PTPRU: variants seen among roughly 807,000 people sequenced by gnomAD.
The protein encoded by PTPRU is protein tyrosine phosphatase receptor type U.
Under a neutral mutation model 166.3 loss-of-function variants are expected in PTPRU, and 69 were observed. The observed-to-expected ratio is 0.41, with a 90% CI of 0.34 to 0.51. The LOEUF is 0.51. PTPRU is among the 20% of genes least tolerant of loss of function. The pLI is 0.09. For synonymous variants in PTPRU, 793 were observed against 814.0 expected (o/e 0.97, Z 0.44); for missense variants, 1,657 against 2,013.7 (o/e 0.82, Z 3.39).
intron 1 of PTPRU, among the ~76,000 whole-genome samples, chr1:29,241,695 A>G (rs1270690215): frequency 6.6e-6 from 1 of 150,772 alleles, no homozygotes; most frequent in Admixed American, 6.6e-5. Flanking sequence ...CCCGGGTTCA[A>G]GTGATTCTCC....
At position 29,258,560 on chromosome 1, in the gene PTPRU, C is replaced by T; in HGVS notation, c.261C>T (p.Val87=). The part of the protein sequence containing the change: ...SQHAPGQRAH[V]IFQSLSENDT... Reference sequence around the variant, plus strand: ...ATGCCCCAGGCCAGCGAGCCCATGTCATCTTCCAGAGCCTGAGCGAGAATG... The same window carrying T: ...ATGCCCCAGGCCAGCGAGCCCATGTTATCTTCCAGAGCCTGAGCGAGAATG... Residue 87 remains valine (V), a synonymous_variant, in exon 3 of 30, where the codon GTC becomes GTT. Coordinates refer to ENST00000373779, the MANE Select transcript of PTPRU (RefSeq NM_133178.4). The T allele has an allele frequency of 6.2e-7, 1 of 1,614,234 alleles. No homozygotes were observed. Among genetic ancestry groups the T allele is most frequent in the Non-Finnish European group, 8.5e-7 (1 of 1,180,042 alleles).
intron 18 of PTPRU, among the ~76,000 whole-genome samples, chr1:29,309,444 C>T (rs2151965837): frequency 6.6e-6 from 1 of 152,348 alleles, no homozygotes; most frequent in Admixed American, 6.5e-5. Context: ...TCAGATTCTT[C>T]ACCCCATAGT....
intron 14 of PTPRU, among the ~76,000 whole-genome samples, chr1:29,288,228 T>A (rs1686450301): frequency 6.6e-6 from 1 of 152,178 alleles, no homozygotes; most frequent in Non-Finnish European, 1.5e-5. Flanking sequence ...TATTGTGGGA[T>A]TACAATGTGT....
chr1:29,269,169 A>G (rs1685427746), intron 7 of PTPRU, among the ~76,000 whole-genome samples: 1 of 142,626 alleles, frequency 7.0e-6, no homozygotes, highest in African/African-American at 2.6e-5. Flanking sequence ...TCAGCCTCCT[A>G]AGCAGCTGGG....
chr1:29,258,588 A>AT lies in PTPRU; in HGVS notation c.289_290insT (p.Thr97IlefsTer28). ...CTTCCAGAGCCTGAGCGAGAATGAT[A>AT]CCCACTGTGTGCAGTTCAGCTACTT... On this transcript the variant is annotated frameshift_variant, in exon 3 of 30. Coordinates refer to ENST00000373779, the MANE Select transcript of PTPRU (RefSeq NM_133178.4). LOFTEE classifies it high-confidence loss of function. The AT allele has an allele frequency of 6.2e-7, 1 of 1,614,204 alleles. No individual in the cohort carries two copies. The highest frequency in any genetic ancestry group is 8.5e-7 in the Non-Finnish European group (1 of 1,180,030).
intron 15 of PTPRU, among the ~76,000 whole-genome samples, chr1:29,302,730 T>C (rs1270154266): frequency 6.6e-6 from 1 of 152,116 alleles, no homozygotes; most frequent in African/African-American, 2.4e-5. Context: ...TTTGTATTTT[T>C]AGTAGAGACG....
intron 14 of PTPRU, among the ~76,000 whole-genome samples, chr1:29,287,787 G>A (rs1218736146): frequency 2.0e-5 from 3 of 150,662 alleles, no homozygotes; most frequent in Non-Finnish European, 4.4e-5. Context: ...TAGTAGAGAC[G>A]GGGTTTCACC....
chr1:29,284,074 A>G (rs1270207945), intron 13 of PTPRU, 98 bp downstream of exon 13: 8 of 1,498,816 alleles, frequency 5.3e-6, no homozygotes, highest in Non-Finnish European at 6.5e-6. Context: ...GTGGGAGTAG[A>G]GGAGGGTGGT....
rs770698675 is a variant in PTPRU at position 29,325,165 on chromosome 1, C to T, written c.4113-26C>T. On this transcript the variant is annotated intron_variant, in intron 28 of 29. Coordinates refer to ENST00000373779, the MANE Select transcript of PTPRU (RefSeq NM_133178.4). ...TACCTTCAGGTTCCAAGGCCCCGCC[C>T]CTCAGCTTTTGCATCTCTCATTCAG... 5 of 1,613,842 alleles carry T rather than the reference C, an allele frequency of 3.1e-6. No individual in the cohort carries two copies. In the African/African-American group the frequency reaches 4.0e-5, roughly 13 times the overall value.
chr1:29,318,563 G>T (rs555384583), intron 25 of PTPRU, among the ~76,000 whole-genome samples: 1 of 152,304 alleles, frequency 6.6e-6, no homozygotes, highest in African/African-American at 2.4e-5. Flanking sequence ...TGCCACACTG[G>T]AACCAGTTCA....
chr1:29,311,443 C>T lies in PTPRU; in HGVS notation c.2858-13C>T, dbSNP rs773520859. ...TTGTCTCAGGGACAGGCACCCTCTG[C>T]CTGCATCCCCAGGGCCGAAGCCTGA... On this transcript the variant is annotated splice_polypyrimidine_tract_variant and intron_variant, in intron 19 of 29. Coordinates refer to ENST00000373779, the MANE Select transcript of PTPRU (RefSeq NM_133178.4). This position sits in a 1 kb window ranked among gnomAD's most constrained non-coding sequence, Gnocchi z 4.1. The T allele has an allele frequency of 5.6e-6, 9 of 1,613,602 alleles. 1 individual carries two copies. The South Asian group carries it at 9.9e-5, about 18-fold the overall frequency.
chr1:29,283,067 C>T (rs1287614127), intron 12 of PTPRU, 118 bp downstream of exon 12: 1 of 1,397,240 alleles, frequency 7.2e-7, no homozygotes, highest in Non-Finnish European at 9.7e-7. Context: ...ATAGCCCCAC[C>T]TCCCATAGCC....
At chr1:29,302,145 A>G (rs1054895065) in intron 15 of PTPRU, among the ~76,000 whole-genome samples, 1 of 138,474 alleles carries the variant, frequency 7.2e-6, no homozygotes, top group African/African-American at 3.0e-5. Flanking sequence ...GCCTAGGCTA[A>G]TGTGTATGTG....
intron 7 of PTPRU, among the ~76,000 whole-genome samples, chr1:29,266,320 G>C (rs1314640062): frequency 6.6e-6 from 1 of 152,070 alleles, no homozygotes; most frequent in Non-Finnish European, 1.5e-5. Context: ...TTCTAAAAGT[G>C]TTATAGTTTT....
intron 11 of PTPRU, among the ~76,000 whole-genome samples, chr1:29,282,331 G>A (rs1686116060): frequency 6.6e-6 from 1 of 152,232 alleles, no homozygotes; most frequent in Non-Finnish European, 1.5e-5. Flanking sequence ...GAGGACTCAT[G>A]GAGGAAGCAG....
In PTPRU at chr1:29,305,398, T is replaced by A. The variant is rs771889225; in HGVS notation, c.2790T>A (p.Asn930Lys). 1 of 1,613,844 alleles carries A rather than the reference T, an allele frequency of 6.2e-7. No individual in the cohort carries two copies. Among genetic ancestry groups the A allele is most frequent in the African/African-American group, 1.3e-5 (1 of 74,938 alleles). The change falls in exon 18 of 30, where the codon AAT (asparagine) becomes AAA (lysine). Residue 930 changes from asparagine to lysine, a missense_variant. Around this residue, in one of 3 missense-constraint regions of PTPRU, gnomAD observed 1,190 missense variants for 1,477.4 expected, o/e 0.81. Coordinates refer to ENST00000373779, the MANE Select transcript of PTPRU (RefSeq NM_133178.4). ...TGCACCCGATGCTGGGAGACCCCAATGCCGACTACATTAATGCCAACTACA... is the reference window on the plus strand; with the variant it reads ...TGCACCCGATGCTGGGAGACCCCAAAGCCGACTACATTAATGCCAACTACA... The part of the protein sequence containing the change: ...VKLHPMLGDP[N>K]ADYINANYID...
intron 14 of PTPRU, among the ~76,000 whole-genome samples, chr1:29,285,433 G>T (rs1027847931): frequency 6.6e-6 from 1 of 152,058 alleles, no homozygotes; most frequent in Non-Finnish European, 1.5e-5. Flanking sequence ...TCCCCCTGCC[G>T]CCCCTACTAT....
At chr1:29,307,952 G>T (rs1687474398) in intron 18 of PTPRU, among the ~76,000 whole-genome samples, 1 of 151,502 alleles carries the variant, frequency 6.6e-6, no homozygotes, top group African/African-American at 2.4e-5. Flanking sequence ...GTAGAGATGG[G>T]GTTTCACCAT....
chr1:29,323,948 G>T (rs900910930), intron 28 of PTPRU, among the ~76,000 whole-genome samples, 160 bp downstream of exon 28: 1 of 152,188 alleles, frequency 6.6e-6, no homozygotes, highest in African/African-American at 2.4e-5. Context: ...ACCAGCCAAG[G>T]CTGGCCCTGG....
Sources: gnomAD v4.1 joint callset for allele counts (sites outside exome capture counted in the v4.1 genomes callset) on GRCh38, gnomAD v4.1.1 for gene constraint, gnomAD v4.1.1 regional missense constraint, Gnocchi (gnomAD v3.1) non-coding constraint, MANE v1.5 for transcripts, NCBI Gene and HGNC (gene_info 2026-07-23, HGNC 2026-07-21) for gene names.